Variants in ZDHHC14 observed in about 807,000 individuals in gnomAD.
The protein encoded by ZDHHC14 is zDHHC palmitoyltransferase 14, also known as palmitoyltransferase ZDHHC14.
ZDHHC14 carries 16 observed loss-of-function variants against 47.7 expected under a neutral mutation model. The ratio of observed to expected loss-of-function variants is 0.34; its 90% CI spans 0.23 to 0.51. The LOEUF is 0.51. Ranked by LOEUF, ZDHHC14 falls within the 20% of genes least tolerant of loss-of-function variation. ZDHHC14 has a pLI of 0.97. For missense variants in ZDHHC14, 515 were observed against 662.5 expected (o/e 0.78, Z 2.44); for synonymous variants, 293 against 278.9 (o/e 1.05, Z -0.50).
At chr6:157,383,630 C>T (rs753700784) in intron 1 of ZDHHC14, among the ~76,000 whole-genome samples, 4 of 152,182 alleles carry the variant, frequency 2.6e-5, no homozygotes, top group South Asian at 4.1e-4. Flanking sequence ...TTAGACCAGG[C>T]GATGAGAAGG....
intron 2 of ZDHHC14, among the ~76,000 whole-genome samples, chr6:157,545,625 G>A (rs1264752433): frequency 6.6e-6 from 1 of 151,784 alleles, no homozygotes; most frequent in Non-Finnish European, 1.5e-5. Flanking sequence ...TTGCAGCCGA[G>A]ATCACGCCAC....
intron 1 of ZDHHC14, among the ~76,000 whole-genome samples, chr6:157,432,891 C>T (rs1205107437): frequency 6.6e-6 from 1 of 152,198 alleles, no homozygotes; most frequent in Non-Finnish European, 1.5e-5. Flanking sequence ...AATTTTGGGG[C>T]CCATTTTTAT....
intron 3 of ZDHHC14, among the ~76,000 whole-genome samples, chr6:157,625,954 G>A (rs1562515073): frequency 6.6e-6 from 1 of 152,098 alleles, no homozygotes. Flanking sequence ...CAGACTCCAC[G>A]AGCAACTGTC....
intron 1 of ZDHHC14, among the ~76,000 whole-genome samples, chr6:157,476,756 C>G (rs1779494911): frequency 6.6e-6 from 1 of 152,128 alleles, no homozygotes; most frequent in Non-Finnish European, 1.5e-5. Flanking sequence ...TCAACATATG[C>G]AAGTCAATAA....
chr6:157,467,457 A>G (rs1046910727), intron 1 of ZDHHC14, among the ~76,000 whole-genome samples: 11 of 152,000 alleles, frequency 7.2e-5, no homozygotes, highest in Non-Finnish European at 1.3e-4. Flanking sequence ...TCTCTCACTC[A>G]GCATAGTGTG....
chr6:157,630,528 A>G (rs1262548316), intron 4 of ZDHHC14: 1 of 151,994 alleles, frequency 6.6e-6, no homozygotes, highest in African/African-American at 2.4e-5. Flanking sequence ...TCACACTCAC[A>G]CATATCCTTA....
At chr6:157,651,164 C>T (rs1777816976) in intron 7 of ZDHHC14, among the ~76,000 whole-genome samples, 1 of 152,246 alleles carries the variant, frequency 6.6e-6, no homozygotes, top group African/African-American at 2.4e-5. Flanking sequence ...GAAAGTTGTT[C>T]TGTTATAGTC....
chr6:157,625,966 C>T (rs1212886085), intron 3 of ZDHHC14, among the ~76,000 whole-genome samples: 1 of 152,152 alleles, frequency 6.6e-6, no homozygotes, highest in Admixed American at 6.5e-5. Flanking sequence ...GCAACTGTCT[C>T]GTCCGCATCA....
intron 8 of ZDHHC14, among the ~76,000 whole-genome samples, 190 bp from the exon 9 acceptor site, chr6:157,672,534 C>T (rs113313083): frequency 1.9e-3 from 293 of 152,212 alleles, no homozygotes; most frequent in Admixed American, 5.4e-3. Flanking sequence ...CAGCACCAGG[C>T]GCTGGGTGTC....
At chr6:157,479,934 G>C (rs1330551407) in intron 1 of ZDHHC14, among the ~76,000 whole-genome samples, 2 of 152,172 alleles carry the variant, frequency 1.3e-5, no homozygotes, top group African/African-American at 4.8e-5. Context: ...CCCTTGCTGG[G>C]TTAGACTCTC....
At chr6:157,568,218 C>T (rs890767217) in intron 2 of ZDHHC14, among the ~76,000 whole-genome samples, 11 of 151,958 alleles carry the variant, frequency 7.2e-5, no homozygotes, top group Admixed American at 4.6e-4. Context: ...GTTTCAAAAG[C>T]GATAGTTTTT....
intron 2 of ZDHHC14, chr6:157,592,628 C>A: frequency 3.9e-6 from 2 of 514,602 alleles, no homozygotes; most frequent in Non-Finnish European, 5.2e-6. Context: ...TGCAGTCAGG[C>A]GACTCCCCAG....
chr6:157,631,704 C>T (rs1023974601), intron 4 of ZDHHC14: 15 of 152,204 alleles, frequency 9.9e-5, no homozygotes, highest in Non-Finnish European at 2.9e-5. Context: ...GGGCTTAGGC[C>T]AGCCACATAA....
intron 2 of ZDHHC14, among the ~76,000 whole-genome samples, chr6:157,584,992 G>A (rs1190329691): frequency 6.6e-6 from 1 of 152,100 alleles, no homozygotes; most frequent in Non-Finnish European, 1.5e-5. Flanking sequence ...ATCACCTAAG[G>A]TCAGGAGTTC....
At chr6:157,445,928 C>T (rs1778658308) in intron 1 of ZDHHC14, among the ~76,000 whole-genome samples, 1 of 152,158 alleles carries the variant, frequency 6.6e-6, no homozygotes, top group Non-Finnish European at 1.5e-5. Flanking sequence ...GGGGCCAGAA[C>T]CTTTTCAACA....
intron 1 of ZDHHC14, among the ~76,000 whole-genome samples, chr6:157,531,145 G>A (rs1008110524): frequency 5.9e-5 from 9 of 152,010 alleles, no homozygotes; most frequent in African/African-American, 1.9e-4. Context: ...TTTGCAGTTC[G>A]CCACCAAACG....
At chr6:157,627,451 C>G (rs1456989012) in intron 3 of ZDHHC14, among the ~76,000 whole-genome samples, 3 of 152,194 alleles carry the variant, frequency 2.0e-5, no homozygotes, top group Non-Finnish European at 4.4e-5. Context: ...AATAGAAGAT[C>G]AGCTGAGTAG....
At chr6:157,383,182 C>T (rs1420056938) in intron 1 of ZDHHC14, among the ~76,000 whole-genome samples, 1 of 152,222 alleles carries the variant, frequency 6.6e-6, no homozygotes, top group Non-Finnish European at 1.5e-5. Context: ...AAACCACATT[C>T]CAATCAATTT....
intron 1 of ZDHHC14, among the ~76,000 whole-genome samples, chr6:157,490,854 A>G (rs1779897129): frequency 6.6e-6 from 1 of 152,256 alleles, no homozygotes; most frequent in Non-Finnish European, 1.5e-5. Context: ...ATGCCTATCA[A>G]TACCAGGCAC....
Sources: gnomAD v4.1 joint callset for allele counts (sites outside exome capture counted in the v4.1 genomes callset) on GRCh38, gnomAD v4.1.1 for gene constraint, MANE v1.5 for transcripts, NCBI Gene and HGNC (gene_info 2026-07-23, HGNC 2026-07-21) for gene names.